The following MYOM2 variants were observed in gnomAD, a reference collection of about 807,000 sequenced individuals.
The protein encoded by MYOM2 is myomesin-2.
MYOM2 carries 254 observed loss-of-function variants against 187.6 expected under a neutral mutation model. That is an observed-to-expected ratio of 1.35 (90% CI 1.22 to 1.50). The LOEUF (loss-of-function observed/expected upper bound fraction) is 1.50. MYOM2 is among the 40% of genes most tolerant of loss of function. MYOM2 has a pLI of 0.00. For synonymous variants in MYOM2, 981 were observed against 753.8 expected (o/e 1.30, Z -4.94); for missense variants, 2,796 against 1,924.0 (o/e 1.45, Z -8.48).
rs771970773 is a variant in MYOM2 at position 2,076,113 on chromosome 8, C to T, written c.1121-28C>T. ...GTGACCCCAGCCTTTAAATGACAGGCGTGTGCCTTTTCTCTCCCTGCCCCA... is the reference window on the plus strand; with the variant it reads ...GTGACCCCAGCCTTTAAATGACAGGTGTGTGCCTTTTCTCTCCCTGCCCCA... On this transcript the variant is annotated intron_variant, in intron 10 of 36. Transcript: ENST00000262113. The T allele has an allele frequency of 8.8e-6, 14 of 1,599,662 alleles. No individual in the cohort carries two copies. The East Asian group carries it at 1.8e-4, about 20-fold the overall frequency.
At chr8:2,066,023 C>G (rs1342710230) in intron 6 of MYOM2, among the ~76,000 whole-genome samples, 1 of 152,166 alleles carries the variant, frequency 6.6e-6, no homozygotes, top group Non-Finnish European at 1.5e-5. Flanking sequence ...TGGCTGGAGC[C>G]CTGTCCATGT....
chr8:2,098,541 G>A (rs73657726), intron 18 of MYOM2, among the ~76,000 whole-genome samples: 6,421 of 152,188 alleles, frequency 0.042, 428 homozygotes, highest in African/African-American at 0.14. Flanking sequence ...GGCAACCGTC[G>A]CCTCTCTGGG....
At position 2,116,331 on chromosome 8, in the gene MYOM2, T is replaced by C. The variant is rs1181496583; in HGVS notation, c.3385+56T>C. The C allele has an allele frequency of 1.1e-5, 17 of 1,498,622 alleles. No homozygotes were observed. The Admixed American group carries it at 1.9e-4, about 17-fold the overall frequency. 92.8% of individuals were successfully genotyped at this position (1,498,622 alleles called of 1,614,324 possible). Reference sequence around the variant, plus strand: ...GCCCCTAGCATAAAGCAAAGATGATTGGAGTATTTGTCAGAAGCAGATCTT... The same window carrying C: ...GCCCCTAGCATAAAGCAAAGATGATCGGAGTATTTGTCAGAAGCAGATCTT... On this transcript the variant is annotated intron_variant, in intron 27 of 36. Transcript: ENST00000262113.
intron 28 of MYOM2, among the ~76,000 whole-genome samples, chr8:2,120,807 A>ATT (rs1039369356): frequency 1.4e-5 from 2 of 147,690 alleles, no homozygotes; most frequent in African/African-American, 5.0e-5. Flanking sequence ...TTGATAATAC[A>ATT]TTATATATAT....
rs1490017394 is a variant in MYOM2, at chr8:2,145,034, G to T, written c.*53G>T. ...AAATATGCTTGGCAGAGACAGGAAT[G>T]CTGTGTGCTTGTTCCAAATGAGCAG... On this transcript the variant is annotated 3_prime_UTR_variant, in exon 37 of 37. Transcript: ENST00000262113. The T allele has an allele frequency of 6.3e-7, 1 of 1,588,200 alleles. No individual in the cohort carries two copies. Among genetic ancestry groups the T allele is most frequent in the Non-Finnish European group, 8.6e-7 (1 of 1,165,566 alleles).
chr8:2,109,345 C>G (rs201654141), intron 24 of MYOM2, 50 bp from the exon 25 acceptor site: 2 of 1,530,660 alleles, frequency 1.3e-6, no homozygotes, highest in African/African-American at 1.4e-5. Context: ...GGTATTCTTC[C>G]TCACAAGGAT....
rs73541948 is a variant in MYOM2 at position 2,081,485 on chromosome 8, G to A, written c.1516+1872G>A. 5.0e-3 allele frequency among the ~76,000 whole-genome samples: 769 copies of A among 152,350 alleles called. 6 individuals are homozygous for A. Among genetic ancestry groups the A allele is most frequent in the African/African-American group, 0.017 (708 of 41,582 alleles). On this transcript the variant is annotated intron_variant, in intron 13 of 36. Coordinates refer to ENST00000262113, the MANE Select transcript of MYOM2 (RefSeq NM_003970.4). ...CCTTCTCACTCCTCACGAGCAGACA[G>A]ATCAGGGAGGAGGTGGGCAGCCCGG... is the stretch of plus-strand genomic sequence containing the variant.
intron 31 of MYOM2, among the ~76,000 whole-genome samples, chr8:2,126,926 G>C (rs904157140): frequency 6.8e-6 from 1 of 146,040 alleles, no homozygotes; most frequent in Non-Finnish European, 1.5e-5. Context: ...GGGGGAGGCA[G>C]ATAGAGGCTG....
chr8:2,050,657 A>C (rs1818452014), intron 1 of MYOM2, 98 bp from the exon 2 acceptor site: 1 of 643,050 alleles, frequency 1.6e-6, no homozygotes, highest in Admixed American at 2.5e-5. Context: ...GGGTTTTATT[A>C]ACTGGAGTTC....
At chr8:2,130,439 G>A (rs1042535776) in intron 32 of MYOM2, among the ~76,000 whole-genome samples, 4 of 152,034 alleles carry the variant, frequency 2.6e-5, no homozygotes, top group Admixed American at 6.6e-5. Context: ...TACCCAGGGC[G>A]CCCACACCCT....
chr8:2,108,969 C>T, intron 24 of MYOM2, 139 bp downstream of exon 24: 2 of 812,076 alleles, frequency 2.5e-6, no homozygotes, highest in Non-Finnish European at 2.0e-6. Flanking sequence ...AGGATTGAAA[C>T]CTATTGATTT....
chr8:2,099,828 A>C (rs1217040521), intron 19 of MYOM2, among the ~76,000 whole-genome samples: 1 of 152,246 alleles, frequency 6.6e-6, no homozygotes, highest in Non-Finnish European at 1.5e-5. Flanking sequence ...ACTTTGAGAA[A>C]GTAAATCCTG....
chr8:2,059,798 A>G (rs1232734605), intron 6 of MYOM2, among the ~76,000 whole-genome samples: 1 of 145,894 alleles, frequency 6.9e-6, no homozygotes, highest in African/African-American at 2.6e-5. Context: ...GCTGGAGTGC[A>G]ATGGCATGGT....
chr8:2,096,115 A>C (rs1796473403), intron 17 of MYOM2, 132 bp from the exon 18 acceptor site: 1 of 788,328 alleles, frequency 1.3e-6, no homozygotes, highest in African/African-American at 1.7e-5. Flanking sequence ...GTTGAGAGGG[A>C]TCAGAGGGCA....
At chr8:2,104,655 G>C (rs1474619605) in intron 21 of MYOM2, among the ~76,000 whole-genome samples, 1 of 152,054 alleles carries the variant, frequency 6.6e-6, no homozygotes, top group Non-Finnish European at 1.5e-5. Context: ...TCTGGAGGCG[G>C]GAAGTCTAAG....
chr8:2,092,833 C>G (rs577768727), intron 16 of MYOM2, among the ~76,000 whole-genome samples: 18 of 152,232 alleles, frequency 1.2e-4, no homozygotes, highest in African/African-American at 4.1e-4. Context: ...ATAGTGACTA[C>G]GATGTGAAAG....
chr8:2,092,906 T>A (rs1032438680), intron 16 of MYOM2, among the ~76,000 whole-genome samples: 1 of 152,154 alleles, frequency 6.6e-6, no homozygotes, highest in African/African-American at 2.4e-5. Context: ...ATGTGCCTGG[T>A]AGTTCTATTC....
At chr8:2,061,498 C>T (rs773748869) in intron 6 of MYOM2, among the ~76,000 whole-genome samples, 1 of 152,186 alleles carries the variant, frequency 6.6e-6, no homozygotes, top group Non-Finnish European at 1.5e-5. Context: ...CCGACTCTAC[C>T]TGGGGCGGTG....
intron 32 of MYOM2, among the ~76,000 whole-genome samples, chr8:2,134,004 A>G (rs1040260641): frequency 2.0e-5 from 3 of 150,806 alleles, no homozygotes. Flanking sequence ...CCTGAGGTTA[A>G]CGCCTTGTGT....
Sources: gnomAD v4.1 joint callset for allele counts (sites outside exome capture counted in the v4.1 genomes callset) on GRCh38, gnomAD v4.1.1 for gene constraint, MANE v1.5 for transcripts, NCBI Gene and HGNC (gene_info 2026-07-23, HGNC 2026-07-21) for gene names.